PTPRD: variants seen among roughly 807,000 people sequenced by gnomAD.
The protein encoded by PTPRD is protein tyrosine phosphatase receptor type D.
A neutral mutation model predicts 214.5 loss-of-function variants in PTPRD; 34 were observed. The observed-to-expected ratio is 0.16, with a 90% CI of 0.12 to 0.21. The LOEUF is 0.21. Ranked by LOEUF, PTPRD falls within the 10% of genes least tolerant of loss-of-function variation. The pLI is 1.00. For missense variants in PTPRD, 2,545 were observed against 2,398.7 expected (o/e 1.06, Z -1.27); for synonymous variants, 1,128 against 845.7 (o/e 1.33, Z -5.79).
chr9:10,087,829 C>T (rs985088042), intron 3 of PTPRD, among the ~76,000 whole-genome samples: 5 of 151,672 alleles, frequency 3.3e-5, no homozygotes, highest in Non-Finnish European at 5.9e-5. Context: ...ATCACGGTAA[C>T]TTCTTTATCT....
intron 14 of PTPRD, among the ~76,000 whole-genome samples, chr9:8,632,121 TTGTGTG>T (rs146691738): frequency 1.2e-3 from 172 of 144,692 alleles, no homozygotes; most frequent in Middle Eastern, 3.5e-3. Flanking sequence ...AATTGCTTCT[TTGTGTG>T]TGTGTGTGTG....
At chr9:9,665,968 A>T (rs1331744368) in intron 7 of PTPRD, among the ~76,000 whole-genome samples, 1 of 151,926 alleles carries the variant, frequency 6.6e-6, no homozygotes, top group Non-Finnish European at 1.5e-5. Flanking sequence ...AATAAATTAT[A>T]AAGATATGAA....
chr9:10,419,445 A>G (rs551242832), intron 2 of PTPRD, among the ~76,000 whole-genome samples: 102 of 151,996 alleles, frequency 6.7e-4, no homozygotes, highest in African/African-American at 2.2e-3. Context: ...TGGCCATTAT[A>G]AACATTAAAT....
intron 8 of PTPRD, among the ~76,000 whole-genome samples, chr9:9,440,010 A>G (rs2086891979): frequency 1.3e-5 from 2 of 152,228 alleles, no homozygotes; most frequent in African/African-American, 4.8e-5. Flanking sequence ...CTATACCTCC[A>G]GCTTCATGAA....
At chr9:9,804,947 A>C (rs2099063690) in intron 5 of PTPRD, among the ~76,000 whole-genome samples, 1 of 152,050 alleles carries the variant, frequency 6.6e-6, no homozygotes, top group African/African-American at 2.4e-5. Context: ...ATCATGCATA[A>C]AATATATTTA....
chr9:8,898,866 G>A (rs536862526), intron 11 of PTPRD, among the ~76,000 whole-genome samples: 1 of 152,184 alleles, frequency 6.6e-6, no homozygotes, highest in African/African-American at 2.4e-5. Context: ...TTTTTAACAA[G>A]ACATGTTTGT....
intron 2 of PTPRD, among the ~76,000 whole-genome samples, chr9:10,474,571 G>C (rs1206001100): frequency 6.6e-6 from 1 of 152,016 alleles, no homozygotes. Flanking sequence ...GTCAATATTA[G>C]ATCAAAGAGG....
At chr9:8,679,958 C>G (rs2097519488) in intron 12 of PTPRD, among the ~76,000 whole-genome samples, 1 of 152,240 alleles carries the variant, frequency 6.6e-6, no homozygotes, top group Admixed American at 6.5e-5. Context: ...GAGAAAAGAT[C>G]AATTGGCCAG....
chr9:8,991,915 A>G (rs2099369631), intron 11 of PTPRD, among the ~76,000 whole-genome samples: 1 of 151,740 alleles, frequency 6.6e-6, no homozygotes, highest in Non-Finnish European at 1.5e-5. Flanking sequence ...TAAACACTAA[A>G]TTTTAAAGTT....
Position 9,707,890 on chromosome 9 carries a change from G to A in PTPRD, c.-287+26643C>T, listed in dbSNP as rs190415167. 1.1e-4 allele frequency among the ~76,000 whole-genome samples: 16 copies of A among 151,582 alleles called. No individual in the cohort carries two copies. In the East Asian group the frequency reaches 3.1e-3, roughly 29 times the overall value. ...TTTGAAATTCCTTAGTCCTGTTAGAGTACTCATTATTTTCTCTCTTTCATT... is the reference window on the plus strand; with the variant it reads ...TTTGAAATTCCTTAGTCCTGTTAGAATACTCATTATTTTCTCTCTTTCATT... On this transcript the variant is annotated intron_variant, in intron 7 of 45. Coordinates refer to ENST00000381196, the MANE Select transcript of PTPRD (RefSeq NM_002839.4).
chr9:8,998,158 G>T (rs780934753), intron 11 of PTPRD, among the ~76,000 whole-genome samples: 2 of 152,082 alleles, frequency 1.3e-5, no homozygotes, highest in Non-Finnish European at 2.9e-5. Flanking sequence ...GATGAAGGTG[G>T]CTACATTACA....
chr9:9,989,030 A>AC (rs2095818846), intron 4 of PTPRD, among the ~76,000 whole-genome samples: 1 of 141,648 alleles, frequency 7.1e-6, no homozygotes, highest in Non-Finnish European at 1.5e-5. Flanking sequence ...AAAAAAAAAA[A>AC]AAAAAAAAAA....
At chr9:10,382,649 G>C (rs2097846832) in intron 2 of PTPRD, among the ~76,000 whole-genome samples, 2 of 151,822 alleles carry the variant, frequency 1.3e-5, no homozygotes, top group African/African-American at 2.4e-5. Flanking sequence ...CAGCATACCA[G>C]TATATATCAC....
intron 10 of PTPRD, among the ~76,000 whole-genome samples, chr9:9,180,191 C>A (rs2099927375): frequency 6.6e-6 from 1 of 151,364 alleles, no homozygotes; most frequent in Admixed American, 6.6e-5. Context: ...AGACTTGGAA[C>A]CAACCCAAAT....
intron 14 of PTPRD, among the ~76,000 whole-genome samples, chr9:8,603,826 C>A (rs2154279916): frequency 6.6e-6 from 1 of 152,202 alleles, no homozygotes; most frequent in South Asian, 2.1e-4. Flanking sequence ...GCAAATATTT[C>A]ACAATTTAGT....
chr9:10,612,919 C>CGCGGCTGGGCGGGGAGCCGAG lies in PTPRD; in HGVS notation c.-960_-940dup, dbSNP rs1389162161. ...ACGCGCTCCGGCCGCCGGCTGCGGG[C>CGCGGCTGGGCGGGGAGCCGAG]GCGGCTGGGCGGGGAGCCGAGGCGG... On this transcript the variant is annotated 5_prime_UTR_variant, in exon 1 of 46. Transcript: ENST00000381196. Among the ~76,000 whole-genome samples, 1 of 151,676 alleles carries CGCGGCTGGGCGGGGAGCCGAG rather than the reference C, an allele frequency of 6.6e-6. No individual in the cohort carries two copies. The highest frequency in any genetic ancestry group is 1.5e-5 in the Non-Finnish European group (1 of 67,890).
chr9:10,013,559 T>C (rs1310690055), intron 4 of PTPRD, among the ~76,000 whole-genome samples: 1 of 147,924 alleles, frequency 6.8e-6, no homozygotes, highest in Non-Finnish European at 1.5e-5. Flanking sequence ...CTGAAGATCA[T>C]CTACTTCAGA....
intron 2 of PTPRD, among the ~76,000 whole-genome samples, chr9:10,372,236 C>A (rs564757822): frequency 6.6e-6 from 1 of 152,184 alleles, no homozygotes; most frequent in Non-Finnish European, 1.5e-5. Context: ...TAGATTTCCA[C>A]GTATACTTAG....
Position 8,499,912 on chromosome 9 carries a change from T to C in PTPRD, c.2129-72A>G. 8 of 1,345,166 alleles carry C rather than the reference T, an allele frequency of 5.9e-6. No homozygotes were observed. In the South Asian group the frequency reaches 1.1e-4, roughly 19 times the overall value. 83.3% of individuals were successfully genotyped at this position (1,345,166 alleles called of 1,614,324 possible). A position where few individuals can be genotyped will look rare whatever the true frequency, so the allele number is the denominator to read the frequency against. On this transcript the variant is annotated intron_variant, in intron 24 of 45. Coordinates refer to ENST00000381196, the MANE Select transcript of PTPRD (RefSeq NM_002839.4). ...CCCTATCAGAGCATTTTCTGCATTT[T>C]CTTTACTTAGGTTTCTCTTTCAAAA...
Sources: gnomAD v4.1 joint callset for allele counts (sites outside exome capture counted in the v4.1 genomes callset) on GRCh38, gnomAD v4.1.1 for gene constraint, MANE v1.5 for transcripts, NCBI Gene and HGNC (gene_info 2026-07-23, HGNC 2026-07-21) for gene names.